Variants in TACC2 observed in about 807,000 individuals in gnomAD.
TACC2 encodes transforming acidic coiled-coil-containing protein 2.
In TACC2, 137 loss-of-function variants were observed where a neutral mutation model predicts 227.3. The ratio of observed to expected loss-of-function variants is 0.60; its 90% CI spans 0.52 to 0.69. The LOEUF (loss-of-function observed/expected upper bound fraction) is 0.69. Ranked by LOEUF, TACC2 falls within the 30% of genes least tolerant of loss-of-function variation. The pLI, the probability that TACC2 is intolerant of heterozygous loss-of-function variation, is 0.00. For synonymous variants in TACC2, 1,523 were observed against 1,487.5 expected, an observed-to-expected ratio of 1.02 and a Z score of -0.55; for missense variants, 3,470 against 3,694.4, an observed-to-expected ratio of 0.94 and a Z score of 1.57.
rs2095066573 is a variant in TACC2 at position 122,205,375 on chromosome 10, T to C, written c.5972-5022T>C. ...GGGTTTGGTTTCTTGAGCTGTCTGT[T>C]TTGGACCACATCAGAGGAGGGTGGG... is the stretch of plus-strand genomic sequence containing the variant. On this transcript the variant is annotated intron_variant, in intron 8 of 22. Coordinates refer to ENST00000369005, the MANE Select transcript of TACC2 (RefSeq NM_206862.4). The surrounding 1 kb of genome is among the most constrained non-coding windows in gnomAD (Gnocchi z 4.5). 6.6e-6 allele frequency among the ~76,000 whole-genome samples: 1 copy of C among 152,154 alleles called. No homozygotes were observed. Among genetic ancestry groups the C allele is most frequent in the Non-Finnish European group, 1.5e-5 (1 of 68,022 alleles).
At chr10:122,162,379 T>G (rs72840854) in intron 7 of TACC2, among the ~76,000 whole-genome samples, 9,878 of 152,296 alleles carry the variant, frequency 0.065, 390 homozygotes, top group Non-Finnish European at 0.089. Flanking sequence ...GTTTTTATTT[T>G]CTTTTGCTTT....
chr10:121,990,005 T>C (rs1952963964), intron 1 of TACC2, among the ~76,000 whole-genome samples: 1 of 152,222 alleles, frequency 6.6e-6, no homozygotes, highest in African/African-American at 2.4e-5. Context: ...GTCACTTAGA[T>C]AGGGACCTCA....
intron 7 of TACC2, 44 bp downstream of exon 7, chr10:122,143,750 A>AG: frequency 1.3e-6 from 2 of 1,598,466 alleles, no homozygotes; most frequent in Non-Finnish European, 1.7e-6. Context: ...CCCGGAGAGC[A>AG]GGGGCCTGGT....
At position 122,210,545 on chromosome 10, in the gene TACC2, T is replaced by C. The variant is rs1357969883; in HGVS notation, c.6120T>C (p.Phe2040=). The C allele has an allele frequency of 6.2e-7, 1 of 1,614,114 alleles. No homozygotes were observed. ...GCAGTGGGACTTACAACTTGGACTT[T>C]GACAACATTGAGCTTGTGGATACCT... ...IASSGTYNLD[F]DNIELVDTFQ... Residue 2040 remains phenylalanine (F), a synonymous_variant, in exon 9 of 23, where the codon TTT becomes TTC. Coordinates refer to ENST00000369005, the MANE Select transcript of TACC2 (RefSeq NM_206862.4). This position sits in a 1 kb window ranked among gnomAD's most constrained non-coding sequence, Gnocchi z 4.6.
intron 5 of TACC2, among the ~76,000 whole-genome samples, chr10:122,119,308 G>A (rs2085290292): frequency 6.6e-6 from 1 of 152,232 alleles, no homozygotes; most frequent in African/African-American, 2.4e-5. Context: ...TAAATGGCGA[G>A]TAAGTGGCAG....
At chr10:122,157,738 T>C (rs2092577380) in intron 7 of TACC2, among the ~76,000 whole-genome samples, 1 of 152,116 alleles carries the variant, frequency 6.6e-6, no homozygotes, top group East Asian at 1.9e-4. Context: ...TAAATCCTTT[T>C]TGACATTAGG....
rs146365477 is a variant in TACC2 at position 122,083,735 on chromosome 10, C to T, written c.1235C>T (p.Pro412Leu). Residue 412 changes from proline to leucine, a missense_variant, in exon 4 of 23, where the codon CCG becomes CTG. Coordinates refer to ENST00000369005, the MANE Select transcript of TACC2 (RefSeq NM_206862.4). ...PVSPEPSLLT[P>L]TEEAHPASSL... ...AGCCCTGAACCTTCCCTGCTCACTC[C>T]GACTGAGGAAGCACATCCAGCTTCA... 3.5e-5 allele frequency: 56 copies of T among 1,613,916 alleles called. No individual in the cohort carries two copies. The South Asian group carries it at 3.6e-4, about 10-fold the overall frequency.
At chr10:122,173,345 C>T (rs575285396) in intron 7 of TACC2, among the ~76,000 whole-genome samples, 1 of 152,350 alleles carries the variant, frequency 6.6e-6, no homozygotes, top group South Asian at 2.1e-4. Flanking sequence ...GTTTGTGCCC[C>T]AGCCTCAGTG....
intron 6 of TACC2, among the ~76,000 whole-genome samples, chr10:122,136,316 G>A (rs914188554): frequency 9.2e-5 from 14 of 151,914 alleles, no homozygotes; most frequent in Non-Finnish European, 1.5e-4. Context: ...CGATTTAAGC[G>A]CAGCAGTGTC....
chr10:122,143,746 G>C (rs541240381), intron 7 of TACC2, 40 bp downstream of exon 7: 1 of 1,601,194 alleles, frequency 6.2e-7, no homozygotes, highest in Admixed American at 1.7e-5. Flanking sequence ...TGCCCCCGGA[G>C]AGCAGGGGCC....
rs1037131652 is a variant in TACC2 at position 122,176,127 on chromosome 10, A to G, written c.5835-18913A>G. On this transcript the variant is annotated intron_variant, in intron 7 of 22. Transcript: ENST00000369005. Reference sequence around the variant, plus strand: ...TCTCTCTCTCTCTCTCTATATATATATATATATATATATATATATGAAGAT... The same window carrying G: ...TCTCTCTCTCTCTCTCTATATATATGTATATATATATATATATATGAAGAT... Among the ~76,000 whole-genome samples, 5 of 122,980 alleles carry G rather than the reference A, an allele frequency of 4.1e-5. 1 individual carries two copies. Among genetic ancestry groups the G allele is most frequent in the Admixed American group, 4.0e-4 (5 of 12,364 alleles). The allele number at this position is 122,980 out of a possible 152,430, so 80.7% of individuals were successfully genotyped here. A position where few individuals can be genotyped will look rare whatever the true frequency, so the allele number is the denominator to read the frequency against.
chr10:122,121,470 C>T (rs946422080), intron 5 of TACC2, among the ~76,000 whole-genome samples: 11 of 152,132 alleles, frequency 7.2e-5, no homozygotes, highest in African/African-American at 2.7e-4. Flanking sequence ...AGTCTGGCCC[C>T]GGGCTCTGGC....
chr10:122,012,784 G>A (rs1262845505), intron 1 of TACC2, among the ~76,000 whole-genome samples: 1 of 151,408 alleles, frequency 6.6e-6, no homozygotes, highest in African/African-American at 2.4e-5. Context: ...GGGGGCTCCA[G>A]GTGGCTGGAG....
At chr10:122,049,292 G>A (rs1056640933) in intron 2 of TACC2, among the ~76,000 whole-genome samples, 5 of 152,092 alleles carry the variant, frequency 3.3e-5, no homozygotes, top group Admixed American at 2.0e-4. Flanking sequence ...CTCTGCCTGC[G>A]AGCTCTGCCA....
At chr10:122,041,510 G>T (rs1211552534) in intron 2 of TACC2, among the ~76,000 whole-genome samples, 1 of 150,076 alleles carries the variant, frequency 6.7e-6, no homozygotes, top group Non-Finnish European at 1.5e-5. Context: ...GCAATGGCGC[G>T]ATCTCGGCTC....
intron 2 of TACC2, among the ~76,000 whole-genome samples, chr10:122,034,356 A>G (rs1316364250): frequency 1.3e-5 from 2 of 152,054 alleles, no homozygotes; most frequent in Non-Finnish European, 2.9e-5. Context: ...AGCTGGGCTG[A>G]TGACTCATGT....
At chr10:122,029,213 T>C (rs1330821108) in intron 2 of TACC2, among the ~76,000 whole-genome samples, 2 of 151,810 alleles carry the variant, frequency 1.3e-5, no homozygotes, top group Non-Finnish European at 2.9e-5. Context: ...AGTTCTCTAT[T>C]CCTAGTTTGC....
chr10:122,111,212 TAACTTAA>T, intron 5 of TACC2, among the ~76,000 whole-genome samples: 1 of 152,264 alleles, frequency 6.6e-6, no homozygotes, highest in South Asian at 2.1e-4. Flanking sequence ...CCTTGTCATG[TAACTTAA>T]CATATTCACA....
At chr10:122,213,373 C>T in intron 9 of TACC2, 9 of 1,612,296 alleles carry the variant, frequency 5.6e-6, no homozygotes, top group Non-Finnish European at 7.6e-6. Flanking sequence ...TGTGTGTTCT[C>T]TGTTGTAAGT....
Sources: allele counts gnomAD v4.1 joint callset (sites outside exome capture counted in the v4.1 genomes callset), GRCh38; gene constraint gnomAD v4.1.1; non-coding constraint Gnocchi (gnomAD v3.1); transcripts MANE v1.5; gene names NCBI Gene and HGNC (gene_info 2026-07-23, HGNC 2026-07-21).